AGPAT4: variants seen among roughly 807,000 people sequenced by gnomAD.
The protein encoded by AGPAT4 is 1-acylglycerol-3-phosphate O-acyltransferase 4.
AGPAT4 carries 15 observed loss-of-function variants against 48.0 expected under a neutral mutation model. The ratio of observed to expected loss-of-function variants is 0.31; its 90% CI spans 0.21 to 0.48. The LOEUF (loss-of-function observed/expected upper bound fraction) is 0.48, where lower values mean the gene tolerates loss of function less well. Among genes scored for constraint, AGPAT4 ranks in the 20% least tolerant of loss-of-function variants. The pLI is 0.99. For synonymous variants in AGPAT4, 178 were observed against 198.7 expected, an observed-to-expected ratio of 0.90 and a Z score of 0.88; for missense variants, 314 against 482.5, an observed-to-expected ratio of 0.65 and a Z score of 3.27.
chr6:161,162,954 T>C (rs1312043459), intron 3 of AGPAT4, among the ~76,000 whole-genome samples: 3 of 152,212 alleles, frequency 2.0e-5, no homozygotes, highest in Non-Finnish European at 2.9e-5. Context: ...GCTGACTGCG[T>C]GTCACTCTCA....
In AGPAT4 at chr6:161,220,752, AT is replaced by A. The variant is rs34047297; in HGVS notation, c.178+11283del. On this transcript the variant is annotated intron_variant, in intron 2 of 8. Transcript: ENST00000320285. The surrounding 1 kb of genome is among the most constrained non-coding windows in gnomAD (Gnocchi z 6.0). Reference sequence around the variant, plus strand: ...ACTGCCCCATTGGTTGTGCAAAGCCATTCTGAAGACTCGGACAGCGTAGATA... The same window carrying A: ...ACTGCCCCATTGGTTGTGCAAAGCCATCTGAAGACTCGGACAGCGTAGATA... Among the ~76,000 whole-genome samples, 13,059 of 152,156 alleles carry A rather than the reference AT, an allele frequency of 0.086. 661 individuals carry two copies. The highest frequency in any genetic ancestry group is 0.12 in the Non-Finnish European group (8,198 of 67,996).
At position 161,222,145 on chromosome 6, in the gene AGPAT4, A is replaced by C. The variant is rs1169471492; in HGVS notation, c.178+9891T>G. Among the ~76,000 whole-genome samples the C allele has an allele frequency of 6.6e-6, 1 of 152,182 alleles. No individual in the cohort carries two copies. Among genetic ancestry groups the C allele is most frequent in the Non-Finnish European group, 1.5e-5 (1 of 68,038 alleles). On this transcript the variant is annotated intron_variant, in intron 2 of 8. Transcript: ENST00000320285. The surrounding 1 kb of genome is among the most constrained non-coding windows in gnomAD (Gnocchi z 5.9). ...CCCCTGGTCTCAGGGCCTCTGCCAC[A>C]CCCAGCCTGGAAGATGCAGTCAATC...
chr6:161,238,405 C>A lies in AGPAT4; in HGVS notation c.-89-6103G>T, dbSNP rs554639694. 6.6e-6 allele frequency among the ~76,000 whole-genome samples: 1 copy of A among 152,314 alleles called. No homozygotes were observed. Among genetic ancestry groups the A allele is most frequent in the East Asian group, 1.9e-4 (1 of 5,184 alleles). On this transcript the variant is annotated intron_variant, in intron 1 of 8. Coordinates refer to ENST00000320285, the MANE Select transcript of AGPAT4 (RefSeq NM_020133.3). This position sits in a 1 kb window ranked among gnomAD's most constrained non-coding sequence, Gnocchi z 5.2. ...AAGGAGCAGCTAAGACAGATGACTT[C>A]GTCTCTCCTGGGAAAGCCAATGAGA...
At chr6:161,205,105 C>T (rs1340609562) in intron 2 of AGPAT4, among the ~76,000 whole-genome samples, 5 of 152,124 alleles carry the variant, frequency 3.3e-5, no homozygotes, top group Non-Finnish European at 5.9e-5. Flanking sequence ...ACAGCAACGC[C>T]GTTTTGCTCA....
chr6:161,151,825 G>A (rs564955659), intron 5 of AGPAT4, among the ~76,000 whole-genome samples: 36 of 152,356 alleles, frequency 2.4e-4, no homozygotes, highest in African/African-American at 8.2e-4. Flanking sequence ...GCAGCAGCCT[G>A]GGAGGTGGAG....
intron 2 of AGPAT4, among the ~76,000 whole-genome samples, chr6:161,188,758 G>A (rs1203881095): frequency 6.6e-6 from 1 of 152,166 alleles, no homozygotes; most frequent in East Asian, 1.9e-4. Flanking sequence ...GGGCAGCTTG[G>A]GGAGGAACTG....
chr6:161,141,988 G>A lies in AGPAT4; in HGVS notation c.844-2368C>T, dbSNP rs1779266985. ...AGCAATTTTCCCACCTCAGCCTCCT[G>A]AGTACCTGGGATTACAGGCACCTGC... On this transcript the variant is annotated intron_variant, in intron 7 of 8. Coordinates refer to ENST00000320285, the MANE Select transcript of AGPAT4 (RefSeq NM_020133.3). This position sits in a 1 kb window ranked among gnomAD's most constrained non-coding sequence, Gnocchi z 6.7. 1.3e-5 allele frequency among the ~76,000 whole-genome samples: 2 copies of A among 152,138 alleles called. No individual in the cohort carries two copies. Among genetic ancestry groups the A allele is most frequent in the African/African-American group, 4.8e-5 (2 of 41,434 alleles).
Position 161,136,091 on chromosome 6 carries a change from T to TTAA in AGPAT4, c.*446_*448dup, listed in dbSNP as rs536788224. 67 of 170,282 alleles carry TTAA rather than the reference T, an allele frequency of 3.9e-4. No homozygotes were observed. The South Asian group carries it at 7.0e-3, about 18-fold the overall frequency. 10.5% of individuals were successfully genotyped at this position (170,282 alleles called of 1,614,324 possible). A position where few individuals can be genotyped will look rare whatever the true frequency, so the allele number is the denominator to read the frequency against. On this transcript the variant is annotated 3_prime_UTR_variant, in exon 9 of 9. Coordinates refer to ENST00000320285, the MANE Select transcript of AGPAT4 (RefSeq NM_020133.3). ...ACCACAGATGACCCAGAAAAGCACTTTAATTTTTTTTTCTTGGAGGCATAA... is the reference window on the plus strand; with the variant it reads ...ACCACAGATGACCCAGAAAAGCACTTTAATAATTTTTTTTTCTTGGAGGCATAA...
rs750781250 is a variant in AGPAT4, at chr6:161,166,169, T to G, written c.348+79A>C. 15 of 1,535,762 alleles carry G rather than the reference T, an allele frequency of 9.8e-6. No homozygotes were observed. The East Asian group carries it at 3.5e-4, about 36-fold the overall frequency. On this transcript the variant is annotated intron_variant, in intron 3 of 8. Coordinates refer to ENST00000320285, the MANE Select transcript of AGPAT4 (RefSeq NM_020133.3). The surrounding 1 kb of genome is among the most constrained non-coding windows in gnomAD (Gnocchi z 6.7). ...TGTTGATTCTTCTGCAAGTTCTGAA[T>G]GACCAGGAGCAAAAAGACAAGTGGT...
At chr6:161,248,300 C>T (rs1006851292) in intron 1 of AGPAT4, among the ~76,000 whole-genome samples, 1 of 152,072 alleles carries the variant, frequency 6.6e-6, no homozygotes, top group Non-Finnish European at 1.5e-5. Flanking sequence ...ACTGGCTGGG[C>T]GCGGTGGCTC....
At chr6:161,168,993 A>G (rs1198226073) in intron 2 of AGPAT4, among the ~76,000 whole-genome samples, 2 of 152,234 alleles carry the variant, frequency 1.3e-5, no homozygotes, top group East Asian at 3.8e-4. Context: ...GACATGGGGC[A>G]TAGCAGGCAA....
rs543900568 is a variant in AGPAT4 at position 161,200,190 on chromosome 6, A to C, written c.178+31846T>G. 2.6e-5 allele frequency among the ~76,000 whole-genome samples: 4 copies of C among 152,368 alleles called. No individual in the cohort carries two copies. In the East Asian group the frequency reaches 7.7e-4, roughly 29 times the overall value. ...GTGTTCACCCTTCAGCCCGGTCCCC[A>C]TGAGAAAAAATGTCAAATTGTACAT... On this transcript the variant is annotated intron_variant, in intron 2 of 8. Coordinates refer to ENST00000320285, the MANE Select transcript of AGPAT4 (RefSeq NM_020133.3). This position sits in a 1 kb window ranked among gnomAD's most constrained non-coding sequence, Gnocchi z 5.5.
rs1238764889 is a variant in AGPAT4, at chr6:161,238,589, C to T, written c.-89-6287G>A. Among the ~76,000 whole-genome samples the T allele has an allele frequency of 1.3e-5, 2 of 152,240 alleles. No individual in the cohort carries two copies. Among genetic ancestry groups the T allele is most frequent in the African/African-American group, 4.8e-5 (2 of 41,458 alleles). ...ATGGGAAATAATGCAGTCACAAGCA[C>T]TCACGTGTACTTTACCTTCCTTAAC... On this transcript the variant is annotated intron_variant, in intron 1 of 8. Transcript: ENST00000320285. This position sits in a 1 kb window ranked among gnomAD's most constrained non-coding sequence, Gnocchi z 5.2.
chr6:161,250,257 T>C (rs981461508), intron 1 of AGPAT4, among the ~76,000 whole-genome samples: 5 of 152,332 alleles, frequency 3.3e-5, no homozygotes, highest in African/African-American at 9.6e-5. Flanking sequence ...CTTTAATACC[T>C]GGTGACAAAA....
At position 161,216,385 on chromosome 6, in the gene AGPAT4, C is replaced by T. The variant is rs1217394015; in HGVS notation, c.178+15651G>A. Among the ~76,000 whole-genome samples, 1 of 152,184 alleles carries T rather than the reference C, an allele frequency of 6.6e-6. No individual in the cohort carries two copies. The highest frequency in any genetic ancestry group is 2.4e-5 in the African/African-American group (1 of 41,430). On this transcript the variant is annotated intron_variant, in intron 2 of 8. Coordinates refer to ENST00000320285, the MANE Select transcript of AGPAT4 (RefSeq NM_020133.3). This position sits in a 1 kb window ranked among gnomAD's most constrained non-coding sequence, Gnocchi z 4.8. ...TCTCTTGTCCAGGATGACAGACAACCTCTGCAACTGCCTTCTACAATCTTC... is the reference window on the plus strand; with the variant it reads ...TCTCTTGTCCAGGATGACAGACAACTTCTGCAACTGCCTTCTACAATCTTC...
Position 161,259,989 on chromosome 6 carries a change from G to A in AGPAT4, c.-90+13949C>T, listed in dbSNP as rs1361898856. On this transcript the variant is annotated intron_variant, in intron 1 of 8. Transcript: ENST00000320285. The surrounding 1 kb of genome is among the most constrained non-coding windows in gnomAD (Gnocchi z 4.9). ...AACTTCCATTCACCTGGCGCTATAC[G>A]TGTTTGGGGCTGGGGAGTCTCTGGA... is the stretch of plus-strand genomic sequence containing the variant. 3.3e-5 allele frequency among the ~76,000 whole-genome samples: 5 copies of A among 152,114 alleles called. No individual in the cohort carries two copies. The highest frequency in any genetic ancestry group is 1.2e-4 in the African/African-American group (5 of 41,432).
intron 2 of AGPAT4, among the ~76,000 whole-genome samples, chr6:161,194,547 T>C (rs1363289192): frequency 6.6e-6 from 1 of 151,708 alleles, no homozygotes; most frequent in Non-Finnish European, 1.5e-5. Flanking sequence ...TGTGTGTATG[T>C]GTATGTGTGC....
Position 161,154,743 on chromosome 6 carries a change from C to T in AGPAT4, c.349-433G>A, listed in dbSNP as rs1779719233. The stretch of plus-strand genomic sequence containing the variant: ...GATCTCACTGAGTTTTGTGATATTA[C>T]AAAATATAGTAATTCTTGATCGCTG... On this transcript the variant is annotated intron_variant, in intron 3 of 8. Transcript: ENST00000320285. The surrounding 1 kb of genome is among the most constrained non-coding windows in gnomAD (Gnocchi z 7.8). Among the ~76,000 whole-genome samples the T allele has an allele frequency of 6.6e-6, 1 of 152,218 alleles. No individual in the cohort carries two copies. The highest frequency in any genetic ancestry group is 2.4e-5 in the African/African-American group (1 of 41,448).
In AGPAT4 at chr6:161,267,452, A is replaced by T. The variant is rs1040426932; in HGVS notation, c.-90+6486T>A. Reference sequence around the variant, plus strand: ...CTGGGGAACGGGCGCAGTGGCTCACATCTGTAATCCTAGCACTTTGGGAGG... The same window carrying T: ...CTGGGGAACGGGCGCAGTGGCTCACTTCTGTAATCCTAGCACTTTGGGAGG... On this transcript the variant is annotated intron_variant, in intron 1 of 8. Transcript: ENST00000320285. This position sits in a 1 kb window ranked among gnomAD's most constrained non-coding sequence, Gnocchi z 5.2. 6.6e-6 allele frequency among the ~76,000 whole-genome samples: 1 copy of T among 152,148 alleles called. No individual in the cohort carries two copies. The highest frequency in any genetic ancestry group is 2.4e-5 in the African/African-American group (1 of 41,422).
Sources: allele counts gnomAD v4.1 joint callset (sites outside exome capture counted in the v4.1 genomes callset), GRCh38; gene constraint gnomAD v4.1.1; non-coding constraint Gnocchi (gnomAD v3.1); transcripts MANE v1.5; gene names NCBI Gene and HGNC (gene_info 2026-07-23, HGNC 2026-07-21).